ERGIC1: variants seen among roughly 807,000 people sequenced by gnomAD.
ERGIC1 encodes the protein endoplasmic reticulum-golgi intermediate compartment 1.
A neutral mutation model predicts 38.3 loss-of-function variants in ERGIC1; 19 were observed. That is an observed-to-expected ratio of 0.50 (90% CI 0.35 to 0.73). ERGIC1 has a LOEUF of 0.73. ERGIC1 is among the 30% of genes least tolerant of loss of function. The pLI is 0.01. For synonymous variants in ERGIC1, 124 were observed against 157.6 expected, an observed-to-expected ratio of 0.79 and a Z score of 1.60; for missense variants, 294 against 389.2, an observed-to-expected ratio of 0.76 and a Z score of 2.06.
chr5:172,844,817 C>G lies in ERGIC1; in HGVS notation c.20+10384C>G, dbSNP rs536142585. On this transcript the variant is annotated intron_variant, in intron 1 of 9. Coordinates refer to ENST00000393784, the MANE Select transcript of ERGIC1 (RefSeq NM_001031711.3). Reference sequence around the variant, plus strand: ...TGGTGATCCTAGGGCTGGCCCAGGTCCTTTTGGAGTGACACACCCTTCCTG... The same window carrying G: ...TGGTGATCCTAGGGCTGGCCCAGGTGCTTTTGGAGTGACACACCCTTCCTG... Among the ~76,000 whole-genome samples the G allele has an allele frequency of 5.3e-5, 8 of 152,274 alleles. No homozygotes were observed. In the East Asian group the frequency reaches 1.5e-3, roughly 29 times the overall value.
rs754272525 is a variant in ERGIC1, at chr5:172,935,272, A to G, written c.727A>G (p.Thr243Ala). 8.1e-6 allele frequency: 13 copies of G among 1,613,996 alleles called. No homozygotes were observed. The Admixed American group carries it at 2.0e-4, about 25-fold the overall frequency. ...CCTCAGCCCCATCACGGTCAAGTAC[A>G]CAGAGAGACGGCAGCCGCTGTACAG... ...YDLSPITVKY[T>A]ERRQPLYRFI... The change falls in exon 9 of 10, where the codon ACA (threonine) becomes GCA (alanine). Residue 243 changes from threonine (T) to alanine (A), a missense_variant. Thr to Ala is a moderately conservative substitution (Grantham distance 58). Transcript: ENST00000393784.
intron 1 of ERGIC1, among the ~76,000 whole-genome samples, chr5:172,863,701 A>C (rs1761778403): frequency 6.6e-6 from 1 of 152,160 alleles, no homozygotes; most frequent in Non-Finnish European, 1.5e-5. Context: ...CAAACGTGTG[A>C]CTTTCTTTGA....
intron 4 of ERGIC1, 181 bp from the exon 5 acceptor site, chr5:172,914,533 G>T: frequency 1.0e-6 from 1 of 1,001,466 alleles, no homozygotes; most frequent in East Asian, 2.6e-5. Context: ...CTCGCCTCAC[G>T]TTTAGCGGAG....
At chr5:172,840,345 G>A (rs1251923251) in intron 1 of ERGIC1, among the ~76,000 whole-genome samples, 3 of 152,272 alleles carry the variant, frequency 2.0e-5, no homozygotes, top group Non-Finnish European at 4.4e-5. Context: ...TAATCCTTTC[G>A]TATTTTATTT....
At chr5:172,919,240 C>T (rs1319716240) in intron 5 of ERGIC1, among the ~76,000 whole-genome samples, 1 of 152,186 alleles carries the variant, frequency 6.6e-6, no homozygotes, top group Non-Finnish European at 1.5e-5. Flanking sequence ...CCTGAGGTTA[C>T]AAAGGAAGCC....
intron 1 of ERGIC1, among the ~76,000 whole-genome samples, chr5:172,857,845 C>T (rs1761591594): frequency 6.6e-6 from 1 of 152,160 alleles, no homozygotes; most frequent in Non-Finnish European, 1.5e-5. Flanking sequence ...CCTTCCTTTT[C>T]ACTTTTCATC....
chr5:172,856,897 T>C (rs992757314), intron 1 of ERGIC1, among the ~76,000 whole-genome samples: 6 of 152,174 alleles, frequency 3.9e-5, no homozygotes, highest in Non-Finnish European at 8.8e-5. Flanking sequence ...TGCCTCACGG[T>C]TGTGTGAAAC....
chr5:172,855,010 G>C (rs1188295805), intron 1 of ERGIC1, among the ~76,000 whole-genome samples: 1 of 152,168 alleles, frequency 6.6e-6, no homozygotes, highest in Non-Finnish European at 1.5e-5. Context: ...GGCCACCTGG[G>C]ACTCACACAG....
chr5:172,893,925 G>GTATATATATATATA (rs1762644336), intron 2 of ERGIC1, among the ~76,000 whole-genome samples: 1 of 63,394 alleles, frequency 1.6e-5, no homozygotes, highest in Non-Finnish European at 3.1e-5. Flanking sequence ...GTGTGTGTGT[G>GTATATATATATATA]TGTGTGTGTG....
intron 1 of ERGIC1, among the ~76,000 whole-genome samples, chr5:172,882,031 C>G (rs1429378085): frequency 6.6e-6 from 1 of 152,198 alleles, no homozygotes; most frequent in African/African-American, 2.4e-5. Flanking sequence ...GGGGTTCTCA[C>G]CAGCCTCCTG....
In ERGIC1 at chr5:172,909,579, AC is replaced by A. The variant is rs933585620; in HGVS notation, c.156-86del. 7.2e-5 allele frequency: 90 copies of A among 1,246,022 alleles called. 1 individual carries two copies. The highest frequency in any genetic ancestry group is 5.7e-4 in the South Asian group (47 of 82,440). The allele number at this position is 1,246,022 out of a possible 1,614,324, so 77.2% of individuals were successfully genotyped here. On this transcript the variant is annotated intron_variant, in intron 3 of 9. Transcript: ENST00000393784. ...AGTCTGGGTTATCTAAGTTGTGGTC[AC>A]CAAGTGAAGTGATCCCCGGCTGTCC...
At chr5:172,856,549 G>A (rs753488017) in intron 1 of ERGIC1, among the ~76,000 whole-genome samples, 2 of 152,144 alleles carry the variant, frequency 1.3e-5, no homozygotes, top group Non-Finnish European at 2.9e-5. Flanking sequence ...GGATACAATG[G>A]GCAGGTGAGA....
chr5:172,935,426 G>A (rs1239581389), intron 9 of ERGIC1, 116 bp downstream of exon 9: 1 of 1,439,944 alleles, frequency 6.9e-7, no homozygotes. Flanking sequence ...AGCCTGCAGG[G>A]CTAGGGGCTC....
chr5:172,861,269 T>TC (rs745503909), intron 1 of ERGIC1, among the ~76,000 whole-genome samples: 10 of 152,146 alleles, frequency 6.6e-5, no homozygotes, highest in Non-Finnish European at 1.0e-4. Context: ...AGTGGCTCCC[T>TC]CCCTTCCCTC....
chr5:172,910,776 C>T (rs993031536), intron 4 of ERGIC1, among the ~76,000 whole-genome samples: 25 of 152,106 alleles, frequency 1.6e-4, no homozygotes, highest in Non-Finnish European at 3.1e-4. Flanking sequence ...CCACCCACCT[C>T]AGCCTCCCAA....
At chr5:172,896,065 G>A (rs534758097) in intron 2 of ERGIC1, among the ~76,000 whole-genome samples, 64 of 152,246 alleles carry the variant, frequency 4.2e-4, no homozygotes, top group African/African-American at 7.9e-4. Flanking sequence ...TGGACCGGCC[G>A]GGTGTAGTGG....
chr5:172,924,675 G>A (rs1423528423), intron 6 of ERGIC1, among the ~76,000 whole-genome samples: 4 of 152,148 alleles, frequency 2.6e-5, no homozygotes, highest in African/African-American at 4.8e-5. Context: ...CAGCGGTCTC[G>A]CATTGCCACG....
chr5:172,858,556 G>C (rs980289102), intron 1 of ERGIC1, among the ~76,000 whole-genome samples: 2 of 152,226 alleles, frequency 1.3e-5, no homozygotes, highest in African/African-American at 2.4e-5. Flanking sequence ...ACAGAAGAAA[G>C]TCATAGACAC....
At chr5:172,857,200 T>C (rs576051329) in intron 1 of ERGIC1, among the ~76,000 whole-genome samples, 1 of 152,298 alleles carries the variant, frequency 6.6e-6, no homozygotes, top group African/African-American at 2.4e-5. Context: ...TCCTCATTTG[T>C]AAAATGGGGC....
Sources: gnomAD v4.1 joint callset for allele counts (sites outside exome capture counted in the v4.1 genomes callset) on GRCh38, gnomAD v4.1.1 for gene constraint, MANE v1.5 for transcripts, NCBI Gene and HGNC (gene_info 2026-07-23, HGNC 2026-07-21) for gene names.